Variants in PPARG observed in about 807,000 individuals in gnomAD.
PPARG encodes peroxisome proliferator activated receptor gamma.
In PPARG, 17 loss-of-function variants were observed where a neutral mutation model predicts 39.2. That is an observed-to-expected ratio of 0.43 (90% CI 0.30 to 0.65). PPARG has a LOEUF of 0.65. Ranked by LOEUF, PPARG falls within the 30% of genes least tolerant of loss-of-function variation. PPARG has a pLI of 0.13. For missense variants in PPARG, 406 were observed against 585.9 expected (o/e 0.69, Z 3.17); for synonymous variants, 223 against 215.7 (o/e 1.03, Z -0.30).
intron 2 of PPARG, among the ~76,000 whole-genome samples, chr3:12,325,409 G>A (rs1054441269): frequency 2.8e-4 from 43 of 151,826 alleles, no homozygotes; most frequent in East Asian, 2.1e-3. Flanking sequence ...CGACAAGAGC[G>A]AGACTTTGTC....
chr3:12,342,426 C>T (rs2048209677), intron 2 of PPARG, among the ~76,000 whole-genome samples: 1 of 152,154 alleles, frequency 6.6e-6, no homozygotes, highest in Non-Finnish European at 1.5e-5. Flanking sequence ...AGCAAACCAA[C>T]TATAAAGAAC....
At chr3:12,428,036 C>G (rs1395659110) in intron 7 of PPARG, among the ~76,000 whole-genome samples, 1 of 152,180 alleles carries the variant, frequency 6.6e-6, no homozygotes, top group Non-Finnish European at 1.5e-5. Context: ...ACAAAACCAC[C>G]TGCATTTTTT....
chr3:12,380,073 A>G (rs1005959439), intron 3 of PPARG, 142 bp downstream of exon 3: 1 of 852,188 alleles, frequency 1.2e-6, no homozygotes, highest in South Asian at 1.5e-5. Flanking sequence ...CCATTTATCC[A>G]TGAAATATTA....
At chr3:12,427,920 G>C (rs1465799397) in intron 7 of PPARG, among the ~76,000 whole-genome samples, 2 of 152,164 alleles carry the variant, frequency 1.3e-5, no homozygotes, top group Non-Finnish European at 2.9e-5. Context: ...TTGTTTGTTT[G>C]TTTTGGTTTT....
rs536584829 is a variant in PPARG, at chr3:12,396,050, A to T, written c.529+3298A>T. On this transcript the variant is annotated intron_variant, in intron 5 of 7. Coordinates refer to ENST00000651735, the MANE Select transcript of PPARG (RefSeq NM_138711.6). ...ATTTTTATAGATTTTCAAAGTAGTCATTTTTGTTTTAAAATCCTGCTGCCA... is the reference window on the plus strand; with the variant it reads ...ATTTTTATAGATTTTCAAAGTAGTCTTTTTTGTTTTAAAATCCTGCTGCCA... Among the ~76,000 whole-genome samples the T allele has an allele frequency of 3.3e-5, 5 of 152,270 alleles. No homozygotes were observed. In the East Asian group the frequency reaches 7.7e-4, roughly 23 times the overall value.
chr3:12,385,749 T>C (rs539899201), intron 4 of PPARG, among the ~76,000 whole-genome samples: 1 of 151,908 alleles, frequency 6.6e-6, no homozygotes, highest in South Asian at 2.1e-4. Flanking sequence ...TCAGAAAGAG[T>C]TTTAATTCTT....
At chr3:12,379,549 A>G (rs2049546055) in intron 2 of PPARG, among the ~76,000 whole-genome samples, 155 bp from the exon 3 acceptor site, 1 of 152,224 alleles carries the variant, frequency 6.6e-6, no homozygotes, top group South Asian at 2.1e-4. Flanking sequence ...CAGCCTAGAC[A>G]GCACTAAGAA....
intron 2 of PPARG, among the ~76,000 whole-genome samples, chr3:12,322,359 G>A (rs2125023978): frequency 6.6e-6 from 1 of 152,310 alleles, no homozygotes; most frequent in South Asian, 2.1e-4. Flanking sequence ...CTACCTTTAT[G>A]TATGCAGCAC....
At chr3:12,295,514 A>T (rs76861158) in intron 1 of PPARG, among the ~76,000 whole-genome samples, 12 of 141,762 alleles carry the variant, frequency 8.5e-5, no homozygotes, top group East Asian at 6.1e-4. Context: ...TCAAAAAAAA[A>T]TTTTTTTTTT....
At chr3:12,304,518 T>C (rs530313205) in intron 1 of PPARG, among the ~76,000 whole-genome samples, 6 of 152,222 alleles carry the variant, frequency 3.9e-5, no homozygotes, top group East Asian at 1.9e-4. Context: ...GCTTATGGTA[T>C]CAGGTGAAGA....
At chr3:12,404,743 G>A (rs1575122571) in intron 5 of PPARG, among the ~76,000 whole-genome samples, 1 of 152,206 alleles carries the variant, frequency 6.6e-6, no homozygotes, top group Non-Finnish European at 1.5e-5. Context: ...GGTGGAGGTT[G>A]CAGTGAGCTG....
intron 4 of PPARG, among the ~76,000 whole-genome samples, chr3:12,390,189 T>C (rs1294281039): frequency 6.6e-6 from 1 of 152,206 alleles, no homozygotes; most frequent in Non-Finnish European, 1.5e-5. Context: ...CAGCACCAAA[T>C]GTGGAAGAGA....
intron 6 of PPARG, among the ~76,000 whole-genome samples, chr3:12,411,356 C>T (rs1304281557): frequency 1.3e-5 from 2 of 151,938 alleles, no homozygotes; most frequent in South Asian, 2.1e-4. Flanking sequence ...ATTTGTTTGT[C>T]GTAAATCTCT....
chr3:12,308,343 C>CAA (rs57225468), intron 1 of PPARG, among the ~76,000 whole-genome samples: 17 of 37,274 alleles, frequency 4.6e-4, no homozygotes, highest in East Asian at 2.3e-3. Flanking sequence ...GACCCTGTCT[C>CAA]AAAAAAAAAA....
At chr3:12,400,362 T>C (rs2050428951) in intron 5 of PPARG, among the ~76,000 whole-genome samples, 1 of 152,218 alleles carries the variant, frequency 6.6e-6, no homozygotes, top group South Asian at 2.1e-4. Flanking sequence ...AACTATTCCA[T>C]GTGCTTGGTG....
At chr3:12,424,430 T>C (rs2051366384) in intron 7 of PPARG, among the ~76,000 whole-genome samples, 1 of 152,198 alleles carries the variant, frequency 6.6e-6, no homozygotes, top group African/African-American at 2.4e-5. Context: ...TGGGGTCGAA[T>C]GCTGAGTCAT....
At chr3:12,420,438 C>T (rs2051222523) in intron 7 of PPARG, among the ~76,000 whole-genome samples, 2 of 152,346 alleles carry the variant, frequency 1.3e-5, no homozygotes, top group African/African-American at 4.8e-5. Flanking sequence ...ATTGTTTTCT[C>T]CTCTGCAATT....
At chr3:12,304,266 A>G (rs1460179607) in intron 1 of PPARG, among the ~76,000 whole-genome samples, 2 of 152,188 alleles carry the variant, frequency 1.3e-5, no homozygotes, top group African/African-American at 4.8e-5. Context: ...TACCCACTTG[A>G]GGATGTCTTT....
intron 2 of PPARG, among the ~76,000 whole-genome samples, chr3:12,341,592 G>A (rs1027581060): frequency 1.3e-5 from 2 of 152,180 alleles, no homozygotes; most frequent in African/African-American, 2.4e-5. Context: ...CAGATCACTT[G>A]ATCCCAGAAA....
Sources: allele counts gnomAD v4.1 joint callset (sites outside exome capture counted in the v4.1 genomes callset), GRCh38; gene constraint gnomAD v4.1.1; transcripts MANE v1.5; gene names NCBI Gene and HGNC (gene_info 2026-07-23, HGNC 2026-07-21).